Variants in GTF2F2 observed in about 807,000 individuals in gnomAD.
GTF2F2 encodes ATP-dependent helicase GTF2F2.
A neutral mutation model predicts 42.2 loss-of-function variants in GTF2F2; 23 were observed. That is an observed-to-expected ratio of 0.55 (90% CI 0.39 to 0.77). GTF2F2 has a LOEUF of 0.77. Among genes scored for constraint, GTF2F2 ranks in the 30% least tolerant of loss-of-function variants. The pLI, the probability that GTF2F2 is intolerant of heterozygous loss-of-function variation, is 0.00. For synonymous variants in GTF2F2, 105 were observed against 100.8 expected, an observed-to-expected ratio of 1.04 and a Z score of -0.25; for missense variants, 261 against 287.2, an observed-to-expected ratio of 0.91 and a Z score of 0.66.
At chr13:45,182,834 C>T (rs535285862) in intron 4 of GTF2F2, among the ~76,000 whole-genome samples, 68 of 152,254 alleles carry the variant, frequency 4.5e-4, no homozygotes, top group Non-Finnish European at 7.2e-4. Context: ...TTATCCCTCA[C>T]GTGCCAGTCC....
intron 4 of GTF2F2, among the ~76,000 whole-genome samples, chr13:45,173,480 C>A (rs1294908686): frequency 6.6e-6 from 1 of 151,964 alleles, no homozygotes; most frequent in Non-Finnish European, 1.5e-5. Flanking sequence ...TCCATCACCA[C>A]AAGAATCCCT....
intron 5 of GTF2F2, among the ~76,000 whole-genome samples, chr13:45,239,620 T>C (rs1159283874): frequency 6.6e-6 from 1 of 152,248 alleles, no homozygotes; most frequent in African/African-American, 2.4e-5. Flanking sequence ...CCAAGTCCAG[T>C]GTGAATCATC....
intron 5 of GTF2F2, among the ~76,000 whole-genome samples, chr13:45,212,451 C>CTTTCTTTCTTTCTTTTCT (rs1873696246): frequency 2.8e-5 from 2 of 71,662 alleles, no homozygotes; most frequent in African/African-American, 1.2e-4. Flanking sequence ...TTTCTTGTTT[C>CTTTCTTTCTTTCTTTTCT]TTTCTTTCTT....
intron 7 of GTF2F2, among the ~76,000 whole-genome samples, chr13:45,279,747 A>G (rs912830945): frequency 6.6e-5 from 10 of 152,090 alleles, no homozygotes; most frequent in African/African-American, 2.4e-4. Flanking sequence ...CTCTCCTAAA[A>G]ATACAAAATT....
At chr13:45,233,497 G>A (rs1212826175) in intron 5 of GTF2F2, among the ~76,000 whole-genome samples, 1 of 152,200 alleles carries the variant, frequency 6.6e-6, no homozygotes, top group Non-Finnish European at 1.5e-5. Flanking sequence ...AGGTTCGGTT[G>A]CCAATTGAGC....
At chr13:45,244,540 A>G (rs1279196944) in intron 5 of GTF2F2, among the ~76,000 whole-genome samples, 1 of 152,050 alleles carries the variant, frequency 6.6e-6, no homozygotes, top group Non-Finnish European at 1.5e-5. Flanking sequence ...GCTTAAACTT[A>G]CTCTTTAGAT....
chr13:45,167,444 CTGGAGTGCAG>C (rs1871348114), intron 4 of GTF2F2, among the ~76,000 whole-genome samples: 1 of 147,926 alleles, frequency 6.8e-6, no homozygotes, highest in Admixed American at 6.8e-5. Flanking sequence ...TGTCACCAGG[CTGGAGTGCAG>C]TGGTGCTATC....
chr13:45,237,258 A>T (rs1037093784), intron 5 of GTF2F2, among the ~76,000 whole-genome samples: 2 of 152,158 alleles, frequency 1.3e-5, no homozygotes, highest in African/African-American at 4.8e-5. Context: ...GCTGAATGAC[A>T]TTTAGGAAGA....
intron 4 of GTF2F2, among the ~76,000 whole-genome samples, chr13:45,204,764 A>G (rs1873347594): frequency 6.6e-6 from 1 of 152,238 alleles, no homozygotes; most frequent in Non-Finnish European, 1.5e-5. Context: ...ATGTCAGGTT[A>G]CTTAGGAACA....
Position 45,283,366 on chromosome 13 carries a change from T to TGGCATATCATCTTATTTTAAGA in GTF2F2, c.631-55_631-54insAGGCATATCATCTTATTTTAAG. On this transcript the variant is annotated intron_variant, in intron 7 of 7. Coordinates refer to ENST00000340473, the MANE Select transcript of GTF2F2 (RefSeq NM_004128.3). The stretch of plus-strand genomic sequence containing the variant: ...ATTTTTATGGCTTGCATATGTGCTT[T>TGGCATATCATCTTATTTTAAGA]GGCATATCATCTTATTTTAAGTTTT... The TGGCATATCATCTTATTTTAAGA allele has an allele frequency of 3.8e-6, 5 of 1,315,424 alleles. No homozygotes were observed. The South Asian group carries it at 7.0e-5, about 18-fold the overall frequency. The allele number at this position is 1,315,424 out of a possible 1,614,324, so 81.5% of individuals were successfully genotyped here.
intron 4 of GTF2F2, chr13:45,194,735 C>CCTAT (rs1872808125): frequency 4.7e-6 from 3 of 632,290 alleles, no homozygotes; most frequent in Non-Finnish European, 8.5e-6. Flanking sequence ...GGCGTATCAG[C>CCTAT]CTATGTATGC....
At chr13:45,275,400 C>A (rs1047371110) in intron 7 of GTF2F2, among the ~76,000 whole-genome samples, 35 of 151,036 alleles carry the variant, frequency 2.3e-4, no homozygotes, top group African/African-American at 8.0e-4. Context: ...TGTGCTGCAC[C>A]CATTAACTCA....
At chr13:45,196,072 T>A (rs891648983) in intron 4 of GTF2F2, among the ~76,000 whole-genome samples, 8 of 152,238 alleles carry the variant, frequency 5.3e-5, no homozygotes, top group African/African-American at 1.9e-4. Flanking sequence ...AATGCATACT[T>A]CTTATTTTCT....
rs368061537 is a variant in GTF2F2, at chr13:45,150,664, C to CTTTTTTTT, written c.159+882_159+889dup. On this transcript the variant is annotated intron_variant, in intron 3 of 7. Coordinates refer to ENST00000340473, the MANE Select transcript of GTF2F2 (RefSeq NM_004128.3). The stretch of plus-strand genomic sequence containing the variant: ...ATTTTAGGGAAAAAAAAAAAATCAT[C>CTTTTTTTT]TTTTTTTTTTTTTGAGATGGAGTCT... 8.0e-3 allele frequency among the ~76,000 whole-genome samples: 984 copies of CTTTTTTTT among 122,392 alleles called. 72 individuals carry two copies. Among genetic ancestry groups the CTTTTTTTT allele is most frequent in the African/African-American group, 0.031 (826 of 26,732 alleles). 80.3% of individuals were successfully genotyped at this position (122,392 alleles called of 152,430 possible).
In GTF2F2 at chr13:45,149,764, C is replaced by T. The variant is rs1196479459; in HGVS notation, c.141-6C>T. Reference sequence around the variant, plus strand: ...TATTTTAAATATTTCTTTTCCTCTCCTTTAGGACTCAAGGAAGGACTGAGG... The same window carrying T: ...TATTTTAAATATTTCTTTTCCTCTCTTTTAGGACTCAAGGAAGGACTGAGG... On this transcript the variant is annotated splice_region_variant and splice_polypyrimidine_tract_variant and intron_variant, in intron 2 of 7. Coordinates refer to ENST00000340473, the MANE Select transcript of GTF2F2 (RefSeq NM_004128.3). The T allele has an allele frequency of 1.3e-6, 2 of 1,510,886 alleles. No homozygotes were observed. The highest frequency in any genetic ancestry group is 8.9e-7 in the Non-Finnish European group (1 of 1,123,226). The allele number at this position is 1,510,886 out of a possible 1,614,324, so 93.6% of individuals were successfully genotyped here. A position where few individuals can be genotyped will look rare whatever the true frequency, so the allele number is the denominator to read the frequency against.
At position 45,262,721 on chromosome 13, in the gene GTF2F2, A is replaced by G. The variant is rs1276836702; in HGVS notation, c.487-4512A>G. ...GGTGTGAGCCACTGCGCCCGGCCTAATCTTTATTTTGTTATTTATTTATTT... is the reference window on the plus strand; with the variant it reads ...GGTGTGAGCCACTGCGCCCGGCCTAGTCTTTATTTTGTTATTTATTTATTT... On this transcript the variant is annotated intron_variant, in intron 6 of 7. Transcript: ENST00000340473. Among the ~76,000 whole-genome samples, 18 of 151,880 alleles carry G rather than the reference A, an allele frequency of 1.2e-4. 1 individual carries two copies.
intron 5 of GTF2F2, among the ~76,000 whole-genome samples, chr13:45,214,951 A>G (rs1200779433): frequency 6.7e-6 from 1 of 150,274 alleles, no homozygotes; most frequent in East Asian, 1.9e-4. Context: ...AAAAGTTTTT[A>G]TTTTTATTCC....
At chr13:45,272,435 A>AC (rs1354169881) in intron 7 of GTF2F2, among the ~76,000 whole-genome samples, 8 of 141,500 alleles carry the variant, frequency 5.7e-5, no homozygotes, top group African/African-American at 8.6e-5. Flanking sequence ...AAAAAAAAAA[A>AC]AAAAACAAAA....
chr13:45,209,351 A>G (rs1873542108), intron 5 of GTF2F2, among the ~76,000 whole-genome samples: 1 of 152,250 alleles, frequency 6.6e-6, no homozygotes, highest in South Asian at 2.1e-4. Flanking sequence ...TACACTCTAT[A>G]ATGTTTGCAC....
Sources: gnomAD v4.1 joint callset for allele counts (sites outside exome capture counted in the v4.1 genomes callset) on GRCh38, gnomAD v4.1.1 for gene constraint, MANE v1.5 for transcripts, NCBI Gene and HGNC (gene_info 2026-07-23, HGNC 2026-07-21) for gene names.